The following PAG1 variants were observed in gnomAD, a reference collection of about 807,000 sequenced individuals.
PAG1 encodes the protein phosphoprotein associated with glycosphingolipid-enriched microdomains 1.
Under a neutral mutation model 31.7 loss-of-function variants are expected in PAG1, and 23 were observed. That is an observed-to-expected ratio of 0.73 (90% CI 0.52 to 1.03). The LOEUF (loss-of-function observed/expected upper bound fraction) is 1.03. Among genes scored for constraint, PAG1 ranks in the 50% least tolerant of loss-of-function variants. The probability of loss-of-function intolerance (pLI) is 0.00; values close to 1 mark genes in which losing one functional copy is unlikely to be tolerated. For synonymous variants in PAG1, 214 were observed against 210.3 expected (o/e 1.02, Z -0.15); for missense variants, 473 against 540.7 (o/e 0.87, Z 1.24).
At chr8:81,004,880 G>T (rs7812593) in intron 3 of PAG1, among the ~76,000 whole-genome samples, 2 of 152,132 alleles carry the variant, frequency 1.3e-5, no homozygotes, top group Non-Finnish European at 2.9e-5. Flanking sequence ...TCCCTCCCAC[G>T]CATGCACTTG....
At chr8:81,111,335 A>G (rs1470252273) in intron 1 of PAG1, among the ~76,000 whole-genome samples, 2 of 152,210 alleles carry the variant, frequency 1.3e-5, no homozygotes, top group African/African-American at 4.8e-5. Flanking sequence ...ATTAGCACGC[A>G]GCAGTCGAAA....
chr8:81,091,864 G>A (rs1365495573), intron 1 of PAG1, among the ~76,000 whole-genome samples: 1 of 151,932 alleles, frequency 6.6e-6, no homozygotes, highest in Non-Finnish European at 1.5e-5. Flanking sequence ...ACCCTGTCCA[G>A]GTGCAGTGGC....
At chr8:80,998,595 G>A (rs564376312) in intron 3 of PAG1, among the ~76,000 whole-genome samples, 1,530 of 138,488 alleles carry the variant, frequency 0.011, 31 homozygotes, top group African/African-American at 0.043. Flanking sequence ...TCCAACAGGA[G>A]AAAAAAAAAA....
At chr8:80,981,248 T>A (rs886067308) in intron 7 of PAG1, among the ~76,000 whole-genome samples, 19 of 151,944 alleles carry the variant, frequency 1.3e-4, no homozygotes, top group Non-Finnish European at 1.6e-4. Flanking sequence ...CAAAGCTCAC[T>A]CCTTCTGTAA....
Position 80,972,500 on chromosome 8 carries a change from G to A in PAG1, c.*4044C>T, listed in dbSNP as rs2130285013. On this transcript the variant is annotated 3_prime_UTR_variant, in exon 9 of 9. Transcript: ENST00000220597. ...CATAATTTTAAAAGGGAATGAAACA[G>A]AATGCCACAGGTGACCGACCTCTGC... 6.6e-6 allele frequency: 1 copy of A among 152,304 alleles called. No homozygotes were observed. Among genetic ancestry groups the A allele is most frequent in the African/African-American group, 2.4e-5 (1 of 41,560 alleles). The allele number at this position is 152,304 out of a possible 1,614,324, so 9.4% of individuals were successfully genotyped here.
At chr8:81,052,104 C>T (rs369247593) in intron 2 of PAG1, among the ~76,000 whole-genome samples, 7 of 146,992 alleles carry the variant, frequency 4.8e-5, no homozygotes, top group Non-Finnish European at 8.9e-5. Flanking sequence ...CACTCCAGCC[C>T]GGGCGACAGA....
chr8:81,039,007 T>C (rs144524670), intron 2 of PAG1, among the ~76,000 whole-genome samples: 1 of 152,226 alleles, frequency 6.6e-6, no homozygotes, highest in Non-Finnish European at 1.5e-5. Context: ...AGTTTTGCAA[T>C]AGTTAAGTGC....
chr8:80,987,677 A>G, intron 5 of PAG1: 1 of 495,156 alleles, frequency 2.0e-6, no homozygotes, highest in South Asian at 2.2e-5. Context: ...TGAACCCTAT[A>G]TAGACTATGT....
chr8:81,026,066 T>C (rs1808272506), intron 3 of PAG1, among the ~76,000 whole-genome samples: 1 of 152,164 alleles, frequency 6.6e-6, no homozygotes, highest in Non-Finnish European at 1.5e-5. Context: ...TTACCCTCTC[T>C]GAGCTTTAGT....
chr8:81,100,705 A>G (rs1405536766), intron 1 of PAG1, among the ~76,000 whole-genome samples: 1 of 152,242 alleles, frequency 6.6e-6, no homozygotes, highest in Non-Finnish European at 1.5e-5. Flanking sequence ...TCAAGAAAGA[A>G]AAAGCATACG....
intron 1 of PAG1, among the ~76,000 whole-genome samples, chr8:81,106,713 A>AG (rs1306599112): frequency 2.6e-5 from 4 of 152,188 alleles, no homozygotes; most frequent in Admixed American, 2.6e-4. Context: ...GAAAAAATAG[A>AG]GGGGGCAGGG....
intron 3 of PAG1, among the ~76,000 whole-genome samples, chr8:81,009,394 G>C (rs996015619): frequency 6.6e-6 from 1 of 151,982 alleles, no homozygotes; most frequent in Non-Finnish European, 1.5e-5. Context: ...ATTTTCAAAA[G>C]AGCAAAGAAT....
At chr8:81,084,480 T>C (rs990392250) in intron 1 of PAG1, among the ~76,000 whole-genome samples, 1 of 152,200 alleles carries the variant, frequency 6.6e-6, no homozygotes, top group Non-Finnish European at 1.5e-5. Flanking sequence ...ATTTTAAAGT[T>C]CTCAAAAGGT....
At chr8:81,013,732 A>G (rs1024488922) in intron 3 of PAG1, among the ~76,000 whole-genome samples, 1 of 152,092 alleles carries the variant, frequency 6.6e-6, no homozygotes, top group Non-Finnish European at 1.5e-5. Context: ...GGTGTCTGCC[A>G]CCATGCCTGG....
chr8:81,087,097 C>A (rs917740805), intron 1 of PAG1, among the ~76,000 whole-genome samples: 3 of 152,174 alleles, frequency 2.0e-5, no homozygotes, highest in Non-Finnish European at 4.4e-5. Flanking sequence ...GTAATCCCAG[C>A]ACTTTGGGAG....
chr8:80,996,944 T>C (rs947861467), intron 3 of PAG1, among the ~76,000 whole-genome samples: 2 of 152,094 alleles, frequency 1.3e-5, no homozygotes, highest in Non-Finnish European at 2.9e-5. Flanking sequence ...CCTGTGGCAA[T>C]CATGGCATTT....
At chr8:81,004,835 A>T (rs1476722354) in intron 3 of PAG1, among the ~76,000 whole-genome samples, 1 of 152,158 alleles carries the variant, frequency 6.6e-6, no homozygotes, top group Non-Finnish European at 1.5e-5. Context: ...TGGATTCCAA[A>T]GACAGCCTTT....
At chr8:81,000,431 T>C (rs1212437432) in intron 3 of PAG1, among the ~76,000 whole-genome samples, 1 of 152,194 alleles carries the variant, frequency 6.6e-6, no homozygotes, top group African/African-American at 2.4e-5. Context: ...TCCTTTTTTT[T>C]TGAGACAGCA....
chr8:81,010,442 A>G (rs1269238647), intron 3 of PAG1, among the ~76,000 whole-genome samples: 1 of 152,234 alleles, frequency 6.6e-6, no homozygotes, highest in Non-Finnish European at 1.5e-5. Context: ...TATTATAGAA[A>G]TTAAAATAGC....
Sources: gnomAD v4.1 joint callset for allele counts (sites outside exome capture counted in the v4.1 genomes callset) on GRCh38, gnomAD v4.1.1 for gene constraint, MANE v1.5 for transcripts, NCBI Gene and HGNC (gene_info 2026-07-23, HGNC 2026-07-21) for gene names.